PRIMA1: variants seen among roughly 807,000 people sequenced by gnomAD.
PRIMA1 encodes proline rich membrane anchor 1, also known as proline-rich membrane anchor 1.
PRIMA1 carries 7 observed loss-of-function variants against 17.5 expected under a neutral mutation model. The ratio of observed to expected loss-of-function variants is 0.40; its 90% CI spans 0.23 to 0.75. PRIMA1 has a LOEUF of 0.75. Among genes scored for constraint, PRIMA1 ranks in the 30% least tolerant of loss-of-function variants. The pLI is 0.37. For missense variants in PRIMA1, 200 were observed against 201.8 expected (o/e 0.99, Z 0.05); for synonymous variants, 97 against 77.9 (o/e 1.25, Z -1.29).
chr14:93,725,041 C>G lies in PRIMA1; in HGVS notation c.360-3495G>C, dbSNP rs2076065219. Among the ~76,000 whole-genome samples the G allele has an allele frequency of 2.0e-5, 3 of 152,292 alleles. No individual in the cohort carries two copies. In the South Asian group the frequency reaches 6.2e-4, roughly 32 times the overall value. Reference sequence around the variant, plus strand: ...TGAGACCCCTTCGTACTCGCGGGCCCTGGGGAAGAGGTGGCTCGGAAGAGC... The same window carrying G: ...TGAGACCCCTTCGTACTCGCGGGCCGTGGGGAAGAGGTGGCTCGGAAGAGC... On this transcript the variant is annotated intron_variant, in intron 4 of 4. Transcript: ENST00000393140.
At chr14:93,765,131 G>A (rs556610747) in intron 3 of PRIMA1, among the ~76,000 whole-genome samples, 2 of 151,396 alleles carry the variant, frequency 1.3e-5, no homozygotes, top group Non-Finnish European at 2.9e-5. Flanking sequence ...TTAAATCCTT[G>A]TCTCAGCATC....
intron 3 of PRIMA1, among the ~76,000 whole-genome samples, chr14:93,744,659 A>G (rs1362095893): frequency 6.6e-6 from 1 of 152,086 alleles, no homozygotes; most frequent in East Asian, 1.9e-4. Context: ...TGCGCCTGCA[A>G]TTCAGGGCCC....
intron 3 of PRIMA1, among the ~76,000 whole-genome samples, chr14:93,760,822 T>C (rs1221974335): frequency 6.6e-6 from 1 of 152,136 alleles, no homozygotes; most frequent in Non-Finnish European, 1.5e-5. Context: ...ACACTACATC[T>C]GGCACCTATC....
At chr14:93,773,621 A>G (rs1439034922) in intron 3 of PRIMA1, among the ~76,000 whole-genome samples, 1 of 152,182 alleles carries the variant, frequency 6.6e-6, no homozygotes, top group Non-Finnish European at 1.5e-5. Context: ...GAAAGTGGAG[A>G]TGCTGCTTGA....
chr14:93,726,509 G>A lies in PRIMA1; in HGVS notation c.360-4963C>T, dbSNP rs369926506. On this transcript the variant is annotated intron_variant, in intron 4 of 4. Coordinates refer to ENST00000393140, the MANE Select transcript of PRIMA1 (RefSeq NM_178013.4). This position sits in a 1 kb window ranked among gnomAD's most constrained non-coding sequence, Gnocchi z 4.2. ...CACCCATACACACACATGAACCTGC[G>A]TAACACACACAGGCACGTACACATA... Among the ~76,000 whole-genome samples, 28 of 151,850 alleles carry A rather than the reference G, an allele frequency of 1.8e-4. No individual in the cohort carries two copies. The East Asian group carries it at 4.5e-3, about 24-fold the overall frequency.
intron 3 of PRIMA1, among the ~76,000 whole-genome samples, chr14:93,774,802 T>C (rs1310009536): frequency 6.6e-6 from 1 of 152,212 alleles, no homozygotes; most frequent in Non-Finnish European, 1.5e-5. Flanking sequence ...ATTACAGCAA[T>C]GGATACCTGT....
intron 4 of PRIMA1, among the ~76,000 whole-genome samples, chr14:93,727,867 T>C (rs190851582): frequency 1.0e-3 from 157 of 152,168 alleles, no homozygotes; most frequent in African/African-American, 3.7e-3. Context: ...CTGTTCTTCC[T>C]AGAGGCTGGG....
intron 3 of PRIMA1, among the ~76,000 whole-genome samples, chr14:93,744,673 C>A (rs769794555): frequency 2.6e-5 from 4 of 152,204 alleles, no homozygotes; most frequent in Non-Finnish European, 4.4e-5. Context: ...AGGGCCCCCC[C>A]ACGCCTTCTC....
intron 2 of PRIMA1, among the ~76,000 whole-genome samples, chr14:93,781,445 C>T (rs1885373576): frequency 6.6e-6 from 1 of 152,224 alleles, no homozygotes; most frequent in Admixed American, 6.5e-5. Context: ...TGCACTCTAC[C>T]AAGTGTGTGA....
chr14:93,724,282 C>T (rs1019494034), intron 4 of PRIMA1, among the ~76,000 whole-genome samples: 3 of 152,200 alleles, frequency 2.0e-5, no homozygotes, highest in African/African-American at 7.2e-5. Context: ...AAAACTGTCT[C>T]CTTTTGCTTT....
intron 4 of PRIMA1, 94 bp from the exon 5 acceptor site, chr14:93,721,640 CA>C: frequency 1.4e-6 from 1 of 738,484 alleles, no homozygotes; most frequent in East Asian, 2.6e-5. Flanking sequence ...CTCCAGCTAG[CA>C]TCCCTGCTCC....
intron 3 of PRIMA1, among the ~76,000 whole-genome samples, chr14:93,747,191 T>C (rs2141168719): frequency 6.6e-6 from 1 of 151,868 alleles, no homozygotes; most frequent in East Asian, 2.0e-4. Context: ...AGGGGAGGCT[T>C]GTGAGGAAGG....
At chr14:93,760,986 C>A (rs1884707433) in intron 3 of PRIMA1, among the ~76,000 whole-genome samples, 1 of 151,998 alleles carries the variant, frequency 6.6e-6, no homozygotes, top group African/African-American at 2.4e-5. Flanking sequence ...TCTTAAGAAG[C>A]AAATCTGTAA....
intron 3 of PRIMA1, among the ~76,000 whole-genome samples, chr14:93,742,755 C>G (rs184673006): frequency 4.6e-5 from 7 of 152,172 alleles, no homozygotes; most frequent in Admixed American, 3.3e-4. Flanking sequence ...ATGGAGGCAG[C>G]CTTTTGGTGG....
intron 3 of PRIMA1, among the ~76,000 whole-genome samples, chr14:93,760,293 A>C (rs2076319107): frequency 6.6e-6 from 1 of 152,158 alleles, no homozygotes; most frequent in Admixed American, 6.5e-5. Flanking sequence ...AGAAACCTTT[A>C]GATCTTCCAG....
chr14:93,728,129 G>T (rs143397200), intron 4 of PRIMA1, among the ~76,000 whole-genome samples: 1 of 152,164 alleles, frequency 6.6e-6, no homozygotes, highest in East Asian at 1.9e-4. Context: ...CTCTCTTCAC[G>T]GGCAAGATTC....
chr14:93,729,112 G>A (rs1040791855), intron 4 of PRIMA1, among the ~76,000 whole-genome samples: 3 of 152,214 alleles, frequency 2.0e-5, no homozygotes, highest in African/African-American at 4.8e-5. Context: ...CCAGGGGAAG[G>A]CGCACTGGCC....
At chr14:93,770,933 A>T in intron 3 of PRIMA1, among the ~76,000 whole-genome samples, 1 of 152,252 alleles carries the variant, frequency 6.6e-6, no homozygotes, top group East Asian at 1.9e-4. Flanking sequence ...CTGAGGACCC[A>T]GCAGACACTG....
At chr14:93,722,576 A>T (rs2076046740) in intron 4 of PRIMA1, among the ~76,000 whole-genome samples, 1 of 141,438 alleles carries the variant, frequency 7.1e-6, no homozygotes, top group Non-Finnish European at 1.6e-5. Flanking sequence ...TGAAGGTTAA[A>T]ATGCTGGTGG....
Sources: gnomAD v4.1 joint callset for allele counts (sites outside exome capture counted in the v4.1 genomes callset) on GRCh38, gnomAD v4.1.1 for gene constraint, Gnocchi (gnomAD v3.1) non-coding constraint, MANE v1.5 for transcripts, NCBI Gene and HGNC (gene_info 2026-07-23, HGNC 2026-07-21) for gene names.